The following WAPL variants were observed in gnomAD, a reference collection of about 807,000 sequenced individuals.
The protein encoded by WAPL is WAPL cohesin release factor.
Under a neutral mutation model 121.0 loss-of-function variants are expected in WAPL, and 5 were observed. That is an observed-to-expected ratio of 0.04 (90% CI 0.02 to 0.09). WAPL has a LOEUF of 0.09. Among genes scored for constraint, WAPL ranks in the 10% least tolerant of loss-of-function variants. The probability of loss-of-function intolerance (pLI) is 1.00; values close to 1 mark genes in which losing one functional copy is unlikely to be tolerated. For missense variants in WAPL, 999 were observed against 1,410.8 expected, an observed-to-expected ratio of 0.71 and a Z score of 4.68; for synonymous variants, 480 against 481.5, an observed-to-expected ratio of 1.00 and a Z score of 0.04.
intron 2 of WAPL, among the ~76,000 whole-genome samples, chr10:86,510,993 AT>A (rs34364720): frequency 0.73 from 105,923 of 145,988 alleles, 38,531 homozygotes; most frequent in African/African-American, 0.85. Context: ...CATCAGGCTA[AT>A]TTTTTTTTTT....
chr10:86,491,191 G>GT (rs1385869383), intron 4 of WAPL, among the ~76,000 whole-genome samples: 1 of 130,578 alleles, frequency 7.7e-6, no homozygotes. Context: ...CCAGGCTGGA[G>GT]TGCAGTGGCA....
chr10:86,495,854 C>A (rs1043968641), intron 4 of WAPL, among the ~76,000 whole-genome samples: 1 of 152,268 alleles, frequency 6.6e-6, no homozygotes, highest in Admixed American at 6.5e-5. Context: ...GTGGCTCACA[C>A]CTGTAATCCC....
chr10:86,488,932 C>T (rs1027479423), intron 4 of WAPL, among the ~76,000 whole-genome samples: 1 of 152,100 alleles, frequency 6.6e-6, no homozygotes, highest in African/African-American at 2.4e-5. Context: ...GGAAAGGTGA[C>T]GAACCTGAAA....
intron 4 of WAPL, among the ~76,000 whole-genome samples, chr10:86,481,867 G>A (rs1841798494): frequency 2.0e-5 from 3 of 149,518 alleles, no homozygotes; most frequent in Admixed American, 6.7e-5. Flanking sequence ...AAAAAAGTAA[G>A]AATGGAAACG....
intron 2 of WAPL, among the ~76,000 whole-genome samples, chr10:86,502,399 A>G (rs1466848658): frequency 1.3e-5 from 2 of 152,232 alleles, no homozygotes; most frequent in Non-Finnish European, 2.9e-5. Flanking sequence ...TTCAAAAGCC[A>G]AAACATAAAA....
At chr10:86,455,827 A>T (rs945719688) in intron 12 of WAPL, among the ~76,000 whole-genome samples, 2 of 152,178 alleles carry the variant, frequency 1.3e-5, no homozygotes, top group African/African-American at 4.8e-5. Flanking sequence ...TTGCATAAAA[A>T]ATATAGCATC....
At chr10:86,493,695 A>AT (rs11343574) in intron 4 of WAPL, among the ~76,000 whole-genome samples, 149 of 146,096 alleles carry the variant, frequency 1.0e-3, no homozygotes, top group Middle Eastern at 7.0e-3. Context: ...GCCCAACTAC[A>AT]TTTTTTTTTT....
Position 86,435,734 on chromosome 10 carries a change from A to G in WAPL, c.*1809T>C, listed in dbSNP as rs775248885. 2.0e-5 allele frequency: 3 copies of G among 152,734 alleles called. No individual in the cohort carries two copies. Among genetic ancestry groups the G allele is most frequent in the Non-Finnish European group, 4.4e-5 (3 of 68,024 alleles). The allele number at this position is 152,734 out of a possible 1,614,324, so 9.5% of individuals were successfully genotyped here. ...GATTACCAGTGTAACAGAAAAATGC[A>G]GTTCGCCCTGATTGTTCTCATCCAA... On this transcript the variant is annotated 3_prime_UTR_variant, in exon 19 of 19. Coordinates refer to ENST00000298767, the MANE Select transcript of WAPL (RefSeq NM_015045.5).
chr10:86,515,549 T>A (rs1842538851), intron 2 of WAPL, among the ~76,000 whole-genome samples: 1 of 152,026 alleles, frequency 6.6e-6, no homozygotes, highest in Non-Finnish European at 1.5e-5. Context: ...TTGGGAGGCC[T>A]AGATAGGCAG....
chr10:86,482,786 T>C (rs1174558540), intron 4 of WAPL, among the ~76,000 whole-genome samples: 2 of 152,130 alleles, frequency 1.3e-5, no homozygotes, highest in Non-Finnish European at 2.9e-5. Context: ...GTCAAATTCA[T>C]AGGAACAAAG....
Position 86,437,418 on chromosome 10 carries a change from T to C in WAPL, c.*125A>G. The C allele has an allele frequency of 1.0e-6, 1 of 995,366 alleles. No homozygotes were observed. The highest frequency in any genetic ancestry group is 1.4e-6 in the Non-Finnish European group (1 of 703,356). The allele number at this position is 995,366 out of a possible 1,614,324, so 61.7% of individuals were successfully genotyped here. A position where few individuals can be genotyped will look rare whatever the true frequency, so the allele number is the denominator to read the frequency against. On this transcript the variant is annotated 3_prime_UTR_variant, in exon 19 of 19. Transcript: ENST00000298767. Reference sequence around the variant, plus strand: ...CGAAGAAATCAGGTGGCCTTAAAAATCCAAACACGAATGATACTGATGAAT... The same window carrying C: ...CGAAGAAATCAGGTGGCCTTAAAAACCCAAACACGAATGATACTGATGAAT...
intron 2 of WAPL, among the ~76,000 whole-genome samples, chr10:86,507,365 CAA>C (rs34752630): frequency 2.6e-5 from 2 of 77,680 alleles, no homozygotes; most frequent in Admixed American, 1.7e-4. Flanking sequence ...GACTCTGTCT[CAA>C]AAAAAAAAAA....
intron 2 of WAPL, among the ~76,000 whole-genome samples, chr10:86,512,218 A>C (rs1216289884): frequency 6.6e-6 from 1 of 152,244 alleles, no homozygotes; most frequent in Non-Finnish European, 1.5e-5. Context: ...TCTAAATCCA[A>C]GTTCAAAATC....
chr10:86,438,077 C>A, intron 17 of WAPL, 62 bp from the exon 18 acceptor site: 1 of 1,277,692 alleles, frequency 7.8e-7, no homozygotes, highest in Non-Finnish European at 1.1e-6. Context: ...GCACCTCGTA[C>A]AATGTTGTTG....
intron 14 of WAPL, among the ~76,000 whole-genome samples, chr10:86,452,800 G>T (rs546688424): frequency 1.3e-5 from 2 of 151,720 alleles, no homozygotes; most frequent in African/African-American, 4.8e-5. Flanking sequence ...ACCACTTTGG[G>T]AGGCTGAGGC....
Position 86,472,187 on chromosome 10 carries a change from A to C in WAPL, c.2030+21T>G. 1 of 1,536,230 alleles carries C rather than the reference A, an allele frequency of 6.5e-7. No homozygotes were observed. Among genetic ancestry groups the C allele is most frequent in the Non-Finnish European group, 8.7e-7 (1 of 1,148,974 alleles). On this transcript the variant is annotated intron_variant, in intron 7 of 18. Transcript: ENST00000298767. The surrounding 1 kb of genome is among the most constrained non-coding windows in gnomAD (Gnocchi z 4.2). ...TAATACAGCATGCACATAATTGTAA[A>C]ATATAAAAATAAGATCTTACCTAAG...
Position 86,437,418 on chromosome 10 carries a change from T to G in WAPL, c.*125A>C. The stretch of plus-strand genomic sequence containing the variant: ...CGAAGAAATCAGGTGGCCTTAAAAA[T>G]CCAAACACGAATGATACTGATGAAT... On this transcript the variant is annotated 3_prime_UTR_variant, in exon 19 of 19. Transcript: ENST00000298767. The G allele has an allele frequency of 1.0e-6, 1 of 995,366 alleles. No homozygotes were observed. The highest frequency in any genetic ancestry group is 1.4e-6 in the Non-Finnish European group (1 of 703,356). The allele number at this position is 995,366 out of a possible 1,614,324, so 61.7% of individuals were successfully genotyped here.
chr10:86,469,171 C>T (rs1007329972), intron 8 of WAPL, among the ~76,000 whole-genome samples: 1 of 143,356 alleles, frequency 7.0e-6, no homozygotes, highest in Non-Finnish European at 1.5e-5. Context: ...CCTGTAGTCC[C>T]AGTTACTTGG....
At chr10:86,510,501 A>C (rs572528929) in intron 2 of WAPL, among the ~76,000 whole-genome samples, 3 of 152,236 alleles carry the variant, frequency 2.0e-5, no homozygotes, top group Admixed American at 6.5e-5. Flanking sequence ...CAGTAACTCT[A>C]AAGTACAGAG....
Sources: gnomAD v4.1 joint callset for allele counts (sites outside exome capture counted in the v4.1 genomes callset) on GRCh38, gnomAD v4.1.1 for gene constraint, Gnocchi (gnomAD v3.1) non-coding constraint, MANE v1.5 for transcripts, NCBI Gene and HGNC (gene_info 2026-07-23, HGNC 2026-07-21) for gene names.